CLIP2: variants seen among roughly 807,000 people sequenced by gnomAD.
CLIP2 encodes the protein CAP-Gly domain-containing linker protein 2.
CLIP2 carries 41 observed loss-of-function variants against 111.7 expected under a neutral mutation model. The ratio of observed to expected loss-of-function variants is 0.37; its 90% CI spans 0.29 to 0.48. The LOEUF (loss-of-function observed/expected upper bound fraction) is 0.48, where lower values mean the gene tolerates loss of function less well. Ranked by LOEUF, CLIP2 falls within the 20% of genes least tolerant of loss-of-function variation. CLIP2 has a pLI of 0.99. For synonymous variants in CLIP2, 660 were observed against 644.2 expected (o/e 1.02, Z -0.37); for missense variants, 1,160 against 1,422.1 (o/e 0.82, Z 2.96).
At chr7:74,320,195 CAAAAAAAA>C (rs34079690) in intron 2 of CLIP2, among the ~76,000 whole-genome samples, 30 of 99,254 alleles carry the variant, frequency 3.0e-4, no homozygotes, top group Admixed American at 1.0e-3. Context: ...GATTCCATCT[CAAAAAAAA>C]AAAAAAAAAA....
At chr7:74,342,891 C>T (rs979444046) in intron 3 of CLIP2, among the ~76,000 whole-genome samples, 8 of 151,952 alleles carry the variant, frequency 5.3e-5, no homozygotes, top group South Asian at 2.1e-4. Context: ...AAAAATTAGC[C>T]GGGTGCAGTG....
intron 13 of CLIP2, among the ~76,000 whole-genome samples, chr7:74,392,718 T>G (rs1370536250): frequency 6.6e-6 from 1 of 151,990 alleles, no homozygotes; most frequent in African/African-American, 2.4e-5. Context: ...TCCCAGCTAC[T>G]TCAGGCAGGA....
Position 74,376,329 on chromosome 7 carries a change from A to C in CLIP2, c.1928A>C (p.Gln643Pro), listed in dbSNP as rs782464075. The change falls in exon 10 of 17, where the codon CAG becomes CCG. Residue 643 changes from glutamine to proline, a missense_variant. Physicochemically the swap from Gln to Pro is moderately conservative, Grantham distance 76. Coordinates refer to ENST00000223398, the MANE Select transcript of CLIP2 (RefSeq NM_003388.5). This position sits in a 1 kb window ranked among gnomAD's most constrained non-coding sequence, Gnocchi z 7.1. ...CTGAACTCGGGCCCAGGCGCCCAGC[A>C]GAAGGAGATCGGCGAGCTGAAGGCA... ...ATLNSGPGAQ[Q>P]KEIGELKAVM... The C allele has an allele frequency of 6.2e-7, 1 of 1,613,950 alleles. No homozygotes were observed. Among genetic ancestry groups the C allele is most frequent in the Non-Finnish European group, 8.5e-7 (1 of 1,180,004 alleles).
At chr7:74,386,256 C>T (rs1256198450) in intron 11 of CLIP2, 2 of 293,616 alleles carry the variant, frequency 6.8e-6, no homozygotes, top group Non-Finnish European at 1.3e-5. Flanking sequence ...CCATGTTTGT[C>T]TTGAACCCCC....
chr7:74,327,500 C>A (rs1277090740), intron 2 of CLIP2, among the ~76,000 whole-genome samples: 1 of 152,138 alleles, frequency 6.6e-6, no homozygotes, highest in Non-Finnish European at 1.5e-5. Flanking sequence ...GGGGCCCCCA[C>A]CCCCACAGAG....
At position 74,338,490 on chromosome 7, in the gene CLIP2, C is replaced by T. The variant is rs781903074; in HGVS notation, c.164C>T (p.Pro55Leu). The change falls in exon 3 of 17, where the codon CCG becomes CTG. Residue 55 changes from proline (P) to leucine (L), a missense_variant. Physicochemically the swap from Pro to Leu is moderately conservative, Grantham distance 98 (BLOSUM62 -3). This residue lies in a region of CLIP2 where 301 missense variants were observed against 315.2 expected (regional missense o/e 0.96). Transcript: ENST00000223398. The surrounding 1 kb of genome is among the most constrained non-coding windows in gnomAD (Gnocchi z 4.3). ...HKQSSGPSSS[P>L]AAAAAPEKPG... The stretch of plus-strand genomic sequence containing the variant: ...CAGTCATCTGGACCCTCCTCCTCCC[C>T]GGCCGCAGCTGCTGCCCCCGAGAAG... The T allele has an allele frequency of 6.2e-7, 1 of 1,612,258 alleles. No individual in the cohort carries two copies. The highest frequency in any genetic ancestry group is 8.5e-7 in the Non-Finnish European group (1 of 1,179,654).
chr7:74,397,815 C>T lies in CLIP2; in HGVS notation c.2880+582C>T, dbSNP rs187433148. 7.0e-3 allele frequency among the ~76,000 whole-genome samples: 1,063 copies of T among 151,372 alleles called. 23 individuals are homozygous for T. Among genetic ancestry groups the T allele is most frequent in the African/African-American group, 0.025 (1,021 of 41,288 alleles). ...CCAAGTAGCTGGGACTACAGGCACC[C>T]GCCACCACGCCTGGCTAATTTTTTT... On this transcript the variant is annotated intron_variant, in intron 14 of 16. Coordinates refer to ENST00000223398, the MANE Select transcript of CLIP2 (RefSeq NM_003388.5).
intron 13 of CLIP2, among the ~76,000 whole-genome samples, chr7:74,393,904 C>T (rs1249298799): frequency 6.6e-6 from 1 of 152,192 alleles, no homozygotes; most frequent in Non-Finnish European, 1.5e-5. Flanking sequence ...AGCCAGGACC[C>T]TGGCCAGGGT....
At chr7:74,328,137 G>A (rs912352230) in intron 2 of CLIP2, among the ~76,000 whole-genome samples, 1 of 152,158 alleles carries the variant, frequency 6.6e-6, no homozygotes, top group African/African-American at 2.4e-5. Context: ...CTCCCTGGTC[G>A]GGGTGGGCTG....
chr7:74,376,191 A>C lies in CLIP2; in HGVS notation c.1790A>C (p.Asp597Ala). The C allele has an allele frequency of 6.2e-7, 1 of 1,612,424 alleles. No individual in the cohort carries two copies. The highest frequency in any genetic ancestry group is 1.7e-5 in the Admixed American group (1 of 59,654). ...KYAQEVAGLKDKVQQATSENM... is the reference protein window; with the variant it reads ...KYAQEVAGLKAKVQQATSENM... ...GCACAGGAGGTGGCGGGCCTGAAGG[A>C]CAAGGTTCAGCAGGCCACCAGCGAG... Residue 597 changes from aspartate to alanine, a missense_variant, in exon 10 of 17, where the codon GAC becomes GCC. By Grantham distance (126) the Asp-to-Ala change is moderately radical (BLOSUM62 -2). This residue lies in a region of CLIP2 where 676 missense variants were observed against 777.8 expected (regional missense o/e 0.87). Coordinates refer to ENST00000223398, the MANE Select transcript of CLIP2 (RefSeq NM_003388.5). This position sits in a 1 kb window ranked among gnomAD's most constrained non-coding sequence, Gnocchi z 7.1.
chr7:74,394,242 CTTA>C (rs1791378293), intron 13 of CLIP2, among the ~76,000 whole-genome samples: 1 of 119,736 alleles, frequency 8.4e-6, no homozygotes, highest in Non-Finnish European at 1.8e-5. Context: ...TCTTTTTCTT[CTTA>C]TTTTTTTTTT....
At chr7:74,380,613 G>A (rs782605692) in intron 10 of CLIP2, 193 bp from the exon 11 acceptor site, 1 of 492,874 alleles carries the variant, frequency 2.0e-6, no homozygotes. Flanking sequence ...CAGAATGGGG[G>A]TCCTCTGTTG....
intron 9 of CLIP2, among the ~76,000 whole-genome samples, chr7:74,373,732 TC>T (rs1158691981): frequency 6.6e-6 from 1 of 151,992 alleles, no homozygotes; most frequent in Non-Finnish European, 1.5e-5. Flanking sequence ...AAACCACTGA[TC>T]CATGTCTCCT....
At chr7:74,400,607 C>A in intron 15 of CLIP2, 52 bp downstream of exon 15, 2 of 1,459,880 alleles carry the variant, frequency 1.4e-6, no homozygotes, top group Non-Finnish European at 1.8e-6. Flanking sequence ...GGGCAGTGTC[C>A]TCGGAGCCCC....
At chr7:74,342,609 G>A (rs1380255138) in intron 3 of CLIP2, among the ~76,000 whole-genome samples, 6 of 152,054 alleles carry the variant, frequency 3.9e-5, no homozygotes, top group African/African-American at 1.2e-4. Context: ...GGATGGGATC[G>A]GAGGAGGCAA....
intron 2 of CLIP2, among the ~76,000 whole-genome samples, chr7:74,336,225 G>A (rs191709547): frequency 1.7e-4 from 25 of 151,510 alleles, no homozygotes; most frequent in African/African-American, 5.1e-4. Context: ...ATGCCACCAC[G>A]CCTGGCTAAT....
intron 14 of CLIP2, 28 bp downstream of exon 14, chr7:74,397,261 C>T (rs782792672): frequency 6.3e-7 from 1 of 1,598,954 alleles, no homozygotes; most frequent in East Asian, 2.2e-5. Flanking sequence ...GGCCTAGGGG[C>T]AGGGGCACTA....
At chr7:74,344,453 C>G (rs1386736110) in intron 3 of CLIP2, among the ~76,000 whole-genome samples, 1 of 152,158 alleles carries the variant, frequency 6.6e-6, no homozygotes, top group Non-Finnish European at 1.5e-5. Flanking sequence ...GTAGTCATAG[C>G]TCACTGCAGC....
intron 1 of CLIP2, among the ~76,000 whole-genome samples, chr7:74,310,272 C>T (rs754189384): frequency 3.3e-5 from 5 of 151,820 alleles, no homozygotes; most frequent in Non-Finnish European, 7.4e-5. Flanking sequence ...ATCCTGTAAT[C>T]TCAGCACTTT....
Sources: allele counts gnomAD v4.1 joint callset (sites outside exome capture counted in the v4.1 genomes callset), GRCh38; gene constraint gnomAD v4.1.1; regional missense constraint gnomAD v4.1.1; non-coding constraint Gnocchi (gnomAD v3.1); transcripts MANE v1.5; gene names NCBI Gene and HGNC (gene_info 2026-07-23, HGNC 2026-07-21).